Variants in DCDC1 observed in about 807,000 individuals in gnomAD.
DCDC1 encodes doublecortin domain-containing protein 1.
DCDC1 carries 200 observed loss-of-function variants against 178.3 expected under a neutral mutation model. The observed-to-expected ratio is 1.12, with a 90% CI of 1.00 to 1.26. The LOEUF is 1.26. DCDC1 is among the 50% of genes most tolerant of loss of function. DCDC1 has a pLI of 0.00. For missense variants in DCDC1, 1,983 were observed against 1,749.2 expected (o/e 1.13, Z -2.38); for synonymous variants, 690 against 604.8 (o/e 1.14, Z -2.07).
chr11:31,114,747 T>C (rs1591094134), intron 11 of DCDC1, among the ~76,000 whole-genome samples: 1 of 151,972 alleles, frequency 6.6e-6, no homozygotes. Flanking sequence ...GAGAATGAAA[T>C]GGGGAATCAC....
intron 1 of DCDC1, among the ~76,000 whole-genome samples, chr11:31,342,416 T>C (rs1433064118): frequency 6.6e-6 from 1 of 152,202 alleles, no homozygotes; most frequent in Non-Finnish European, 1.5e-5. Context: ...GTTATGAGCA[T>C]TAAATGAAAT....
At chr11:30,941,654 A>G (rs1338191207) in intron 21 of DCDC1, among the ~76,000 whole-genome samples, 1 of 152,172 alleles carries the variant, frequency 6.6e-6, no homozygotes, top group East Asian at 1.9e-4. Context: ...AAAATTTTTA[A>G]AAGCTAGGAC....
At chr11:31,174,534 G>C (rs578186069) in intron 9 of DCDC1, among the ~76,000 whole-genome samples, 2 of 152,280 alleles carry the variant, frequency 1.3e-5, no homozygotes, top group East Asian at 3.9e-4. Context: ...TGAGTGGAAA[G>C]GGATGGGTCT....
chr11:30,903,793 GA>G (rs1944877080), intron 31 of DCDC1, 110 bp from the exon 32 acceptor site: 2 of 984,748 alleles, frequency 2.0e-6, no homozygotes, highest in Non-Finnish European at 2.8e-6. Context: ...TTGAATTTGA[GA>G]AAATAGAAAG....
chr11:31,004,681 CAAAA>C (rs201483189), intron 20 of DCDC1, among the ~76,000 whole-genome samples: 9 of 72,508 alleles, frequency 1.2e-4, no homozygotes, highest in African/African-American at 1.5e-4. Context: ...CACTCTGTCT[CAAAA>C]AAAAAAAAAA....
intron 4 of DCDC1, 114 bp from the exon 5 acceptor site, chr11:31,306,502 T>TA: frequency 9.0e-7 from 1 of 1,111,404 alleles, no homozygotes; most frequent in Non-Finnish European, 1.2e-6. Context: ...TGTTCCTATG[T>TA]ATATAAGTAT....
chr11:30,993,167 A>G (rs1341950615), intron 20 of DCDC1, among the ~76,000 whole-genome samples: 1 of 152,126 alleles, frequency 6.6e-6, no homozygotes, highest in Non-Finnish European at 1.5e-5. Context: ...TACTATGTGT[A>G]ATTTACTTCT....
At chr11:31,059,218 A>AT (rs1389754127) in intron 20 of DCDC1, among the ~76,000 whole-genome samples, 1 of 152,102 alleles carries the variant, frequency 6.6e-6, no homozygotes, top group Non-Finnish European at 1.5e-5. Flanking sequence ...AGAATGCTTG[A>AT]TTTTTGACTT....
rs780083549 is a variant in DCDC1 at position 30,881,287 on chromosome 11, G to A, written c.5104C>T (p.Arg1702Cys). 10 of 1,613,226 alleles carry A rather than the reference G, an allele frequency of 6.2e-6. No individual in the cohort carries two copies. The highest frequency in any genetic ancestry group is 2.7e-5 in the African/African-American group (2 of 74,884). Residue 1702 changes from arginine to cysteine, a missense_variant, in exon 37 of 39, where the codon CGT (arginine) becomes TGT (cysteine). Transcript: ENST00000684477. ...ISELLQDCSS[R>C]LKMTHPARAL... ...CTAGCTGGGTGGGTCATTTTGAGACGAGAGGAGCAGTCTTGCAGCAGCTGA... is the reference window on the plus strand; with the variant it reads ...CTAGCTGGGTGGGTCATTTTGAGACAAGAGGAGCAGTCTTGCAGCAGCTGA...
intron 3 of DCDC1, among the ~76,000 whole-genome samples, chr11:31,326,847 T>C (rs974663396): frequency 1.3e-5 from 2 of 152,236 alleles, no homozygotes; most frequent in Non-Finnish European, 2.9e-5. Flanking sequence ...GATTTTCTTA[T>C]AGTCTCAGTT....
At chr11:31,175,028 T>C (rs910733881) in intron 9 of DCDC1, among the ~76,000 whole-genome samples, 1 of 152,092 alleles carries the variant, frequency 6.6e-6, no homozygotes, top group South Asian at 2.1e-4. Flanking sequence ...CAAATTGCAG[T>C]CGACAAGAAG....
At chr11:31,280,911 T>C (rs1946379379) in intron 7 of DCDC1, 2 of 639,906 alleles carry the variant, frequency 3.1e-6, no homozygotes, top group Non-Finnish European at 5.9e-6. Flanking sequence ...GTCTTGTGCT[T>C]GCCTCCCTTT....
intron 9 of DCDC1, among the ~76,000 whole-genome samples, chr11:31,158,785 A>G (rs1966005841): frequency 6.6e-6 from 1 of 152,176 alleles, no homozygotes; most frequent in South Asian, 2.1e-4. Flanking sequence ...AACATTTCTT[A>G]GGAGACACAG....
At position 31,265,585 on chromosome 11, in the gene DCDC1, T is replaced by G; in HGVS notation, c.976A>C (p.Thr326Pro). The change falls in exon 8 of 39, where the codon ACA becomes CCA. Residue 326 changes from threonine (T) to proline (P), a missense_variant. Transcript: ENST00000684477. ...GGTAAATTTAGATTCATTCTTATTG[T>G]ACAAGTATCTAAAACCTGTGCAGGA... ...ETMKKVLDTC[T>P]IRMNLNLPAR... 1 of 1,407,782 alleles carries G rather than the reference T, an allele frequency of 7.1e-7. No individual in the cohort carries two copies. The highest frequency in any genetic ancestry group is 9.3e-7 in the Non-Finnish European group (1 of 1,072,314). The allele number at this position is 1,407,782 out of a possible 1,614,324, so 87.2% of individuals were successfully genotyped here. A position where few individuals can be genotyped will look rare whatever the true frequency, so the allele number is the denominator to read the frequency against.
At chr11:31,354,988 G>T (rs1187589794) in intron 1 of DCDC1, among the ~76,000 whole-genome samples, 1 of 150,652 alleles carries the variant, frequency 6.6e-6, no homozygotes, top group Non-Finnish European at 1.5e-5. Context: ...CAACTAAGTG[G>T]TGTTGCACTG....
At chr11:31,365,732 A>C (rs1951925138) in intron 1 of DCDC1, among the ~76,000 whole-genome samples, 1 of 152,182 alleles carries the variant, frequency 6.6e-6, no homozygotes, top group Non-Finnish European at 1.5e-5. Context: ...CTACATCTAT[A>C]GCACTTGATC....
At chr11:31,069,729 C>T (rs964754295) in intron 18 of DCDC1, among the ~76,000 whole-genome samples, 1 of 152,168 alleles carries the variant, frequency 6.6e-6, no homozygotes, top group African/African-American at 2.4e-5. Context: ...GTTATAGTAG[C>T]TTCATCCTCT....
intron 1 of DCDC1, among the ~76,000 whole-genome samples, chr11:31,363,659 A>G (rs687276): frequency 5.3e-5 from 8 of 152,320 alleles, no homozygotes; most frequent in African/African-American, 1.7e-4. Flanking sequence ...CATCTTCATT[A>G]TACTCTCTAA....
At chr11:30,990,093 C>T (rs892429759) in intron 20 of DCDC1, among the ~76,000 whole-genome samples, 2 of 152,080 alleles carry the variant, frequency 1.3e-5, no homozygotes, top group Non-Finnish European at 2.9e-5. Context: ...TTTCAAGAGA[C>T]ATTGTGAAAA....
Sources: gnomAD v4.1 joint callset for allele counts (sites outside exome capture counted in the v4.1 genomes callset) on GRCh38, gnomAD v4.1.1 for gene constraint, MANE v1.5 for transcripts, NCBI Gene and HGNC (gene_info 2026-07-23, HGNC 2026-07-21) for gene names.